The following MMP26 variants were observed in gnomAD, a reference collection of about 807,000 sequenced individuals.
MMP26 encodes matrix metalloproteinase-26.
A neutral mutation model predicts 31.0 loss-of-function variants in MMP26; 33 were observed. The ratio of observed to expected loss-of-function variants is 1.06; its 90% confidence interval spans 0.81 to 1.42. MMP26 has a LOEUF of 1.42. Among genes scored for constraint, MMP26 ranks in the 40% most tolerant of loss-of-function variants. The probability of loss-of-function intolerance (pLI) is 0.00; values close to 1 mark genes in which losing one functional copy is unlikely to be tolerated. For missense variants in MMP26, 347 were observed against 316.1 expected, an observed-to-expected ratio of 1.10 and a Z score of -0.74; for synonymous variants, 122 against 114.9, an observed-to-expected ratio of 1.06 and a Z score of -0.40.
At chr11:4,886,858 A>C (rs553273732) in intron 2 of MMP26, among the ~76,000 whole-genome samples, 1 of 151,948 alleles carries the variant, frequency 6.6e-6, no homozygotes, top group Non-Finnish European at 1.5e-5. Context: ...CATTGTAGTT[A>C]CATTGTAGTT....
At chr11:4,734,749 T>TA (rs1848214621) in intron 1 of MMP26, among the ~76,000 whole-genome samples, 1 of 69,340 alleles carries the variant, frequency 1.4e-5, no homozygotes, top group Admixed American at 1.4e-4. Context: ...CTCTTGGACT[T>TA]ACACTCCTTT....
intron 2 of MMP26, among the ~76,000 whole-genome samples, chr11:4,776,179 C>G (rs1394310403): frequency 6.6e-6 from 1 of 152,044 alleles, no homozygotes; most frequent in Non-Finnish European, 1.5e-5. Flanking sequence ...GCCACATTTT[C>G]TTAATCTAGT....
rs1846896522 is a variant in MMP26 at position 4,986,770 on chromosome 11, T to TG, written c.-144-1297dup. Among the ~76,000 whole-genome samples the TG allele has an allele frequency of 2.0e-5, 3 of 151,706 alleles. No individual in the cohort carries two copies. In the South Asian group the frequency reaches 6.3e-4, roughly 32 times the overall value. On this transcript the variant is annotated intron_variant, in intron 2 of 7. Coordinates refer to ENST00000380390, the MANE Select transcript of MMP26 (RefSeq NM_021801.5). ...CTGGTCTTGAACTCCTGACCTCAGG[T>TG]GATCCGCCCACCTCAGCCTCCCAAA...
intron 1 of MMP26, among the ~76,000 whole-genome samples, chr11:4,754,054 T>C (rs1848477736): frequency 6.6e-6 from 1 of 151,876 alleles, no homozygotes; most frequent in South Asian, 2.1e-4. Context: ...TTATTTTACA[T>C]AGACTATTTC....
chr11:4,752,491 G>A (rs986751073), intron 1 of MMP26: 1 of 152,294 alleles, frequency 6.6e-6, no homozygotes, highest in Non-Finnish European at 1.5e-5. Context: ...AGTCACTTAA[G>A]AAGTAGGATT....
chr11:4,778,048 G>T (rs576403934), intron 2 of MMP26, among the ~76,000 whole-genome samples: 2 of 152,024 alleles, frequency 1.3e-5, no homozygotes, highest in African/African-American at 4.8e-5. Flanking sequence ...CACAGAAATC[G>T]TGTATAGCCA....
intron 1 of MMP26, among the ~76,000 whole-genome samples, chr11:4,737,972 A>C (rs1486037545): frequency 3.3e-5 from 5 of 152,196 alleles, no homozygotes; most frequent in Non-Finnish European, 5.9e-5. Context: ...TCTAGTCACC[A>C]TGCCCCACTA....
chr11:4,722,058 T>C (rs1033293222), intron 1 of MMP26, among the ~76,000 whole-genome samples: 2 of 152,218 alleles, frequency 1.3e-5, no homozygotes, highest in Admixed American at 1.3e-4. Context: ...CACTTTGCCT[T>C]CTGCCATGAT....
At chr11:4,917,147 G>T (rs531039266) in intron 2 of MMP26, among the ~76,000 whole-genome samples, 694 of 60,178 alleles carry the variant, frequency 0.012, 8 homozygotes, top group African/African-American at 0.045. Flanking sequence ...CAGATGCCAA[G>T]AATGTTTTTT....
At chr11:4,815,265 A>G (rs1163474045) in intron 2 of MMP26, among the ~76,000 whole-genome samples, 1 of 152,166 alleles carries the variant, frequency 6.6e-6, no homozygotes, top group Admixed American at 6.6e-5. Flanking sequence ...GAGCAAAGGG[A>G]TGGCTTCCAG....
Position 4,927,013 on chromosome 11 carries a change from G to C in MMP26, c.-144-61055G>C, listed in dbSNP as rs1851282608. Among the ~76,000 whole-genome samples the C allele has an allele frequency of 3.3e-5, 5 of 152,272 alleles. No homozygotes were observed. In the South Asian group the frequency reaches 8.3e-4, roughly 25 times the overall value. ...ACCTCCAGATTAGTGGATCAGAGAAGTATCATCTGATTTCCTCCACTAGAC... is the reference window on the plus strand; with the variant it reads ...ACCTCCAGATTAGTGGATCAGAGAACTATCATCTGATTTCCTCCACTAGAC... On this transcript the variant is annotated intron_variant, in intron 2 of 7. Transcript: ENST00000380390.
chr11:4,931,749 G>T (rs962091921), intron 2 of MMP26, among the ~76,000 whole-genome samples: 1 of 151,992 alleles, frequency 6.6e-6, no homozygotes, highest in African/African-American at 2.4e-5. Flanking sequence ...TTAGTTTTGG[G>T]TCACTTGCAT....
intron 1 of MMP26, among the ~76,000 whole-genome samples, chr11:4,750,439 T>C (rs773607470): frequency 6.6e-6 from 1 of 152,026 alleles, no homozygotes; most frequent in Non-Finnish European, 1.5e-5. Flanking sequence ...CAAGGGAACA[T>C]AAATTATTAT....
intron 1 of MMP26, among the ~76,000 whole-genome samples, chr11:4,765,613 C>T (rs1848618893): frequency 6.6e-6 from 1 of 152,146 alleles, no homozygotes; most frequent in South Asian, 2.1e-4. Context: ...TGGTGGTTAC[C>T]TACTGCAACC....
intron 2 of MMP26, among the ~76,000 whole-genome samples, chr11:4,920,650 A>G (rs1357291770): frequency 2.0e-5 from 3 of 152,160 alleles, no homozygotes; most frequent in African/African-American, 4.8e-5. Context: ...TGCCTTTGGT[A>G]TGGTTTCAGG....
intron 1 of MMP26, among the ~76,000 whole-genome samples, chr11:4,750,088 C>T (rs1848429263): frequency 1.3e-5 from 2 of 151,846 alleles, no homozygotes; most frequent in South Asian, 2.1e-4. Context: ...TCAACAACAA[C>T]CAATAACAAA....
chr11:4,723,458 A>T, intron 1 of MMP26: 1 of 1,055,804 alleles, frequency 9.5e-7, no homozygotes, highest in Admixed American at 1.7e-5. Context: ...AGCACCACAG[A>T]TGTGTCCGAA....
intron 1 of MMP26, chr11:4,722,921 C>T (rs576427069): frequency 2.5e-5 from 20 of 785,630 alleles, no homozygotes; most frequent in Middle Eastern, 3.2e-4. Flanking sequence ...CGAGCTTAGA[C>T]CACCTGCATA....
At chr11:4,787,894 A>T (rs898651532) in intron 2 of MMP26, among the ~76,000 whole-genome samples, 1 of 152,194 alleles carries the variant, frequency 6.6e-6, no homozygotes, top group African/African-American at 2.4e-5. Context: ...AGCTTAAACC[A>T]CAGTTCTTTG....
Sources: gnomAD v4.1 joint callset for allele counts (sites outside exome capture counted in the v4.1 genomes callset) on GRCh38, gnomAD v4.1.1 for gene constraint, MANE v1.5 for transcripts, NCBI Gene and HGNC (gene_info 2026-07-23, HGNC 2026-07-21) for gene names.